Variants in SLC12A7 observed in about 807,000 individuals in gnomAD.
SLC12A7 encodes solute carrier family 12 member 7.
Under a neutral mutation model 120.6 loss-of-function variants are expected in SLC12A7, and 100 were observed. The observed-to-expected ratio is 0.83, with a 90% CI of 0.71 to 0.98. The LOEUF (loss-of-function observed/expected upper bound fraction) is 0.98. Ranked by LOEUF, SLC12A7 falls within the 50% of genes least tolerant of loss-of-function variation. The pLI is 0.00. For missense variants in SLC12A7, 1,373 were observed against 1,548.1 expected (o/e 0.89, Z 1.90); for synonymous variants, 760 against 678.0 (o/e 1.12, Z -1.88).
chr5:1,130,058 C>T, the SLC12A7 span, among the ~76,000 whole-genome samples: 1 of 152,300 alleles, frequency 6.6e-6, no homozygotes, highest in East Asian at 1.9e-4. Context: ...GATATCTCCT[C>T]CACGACTTTA....
the SLC12A7 span, among the ~76,000 whole-genome samples, chr5:1,153,781 A>T: frequency 6.6e-6 from 1 of 152,330 alleles, no homozygotes; most frequent in South Asian, 2.1e-4. Context: ...ATCAAGAGGA[A>T]CGTGCACCCT....
At chr5:1,152,201 G>A in the SLC12A7 span, among the ~76,000 whole-genome samples, 3 of 152,156 alleles carry the variant, frequency 2.0e-5, no homozygotes, top group Non-Finnish European at 4.4e-5. Context: ...GAGGCTGTGC[G>A]ATCGTCTGGT....
At chr5:1,131,411 A>G in the SLC12A7 span, among the ~76,000 whole-genome samples, 1 of 152,196 alleles carries the variant, frequency 6.6e-6, no homozygotes, top group Non-Finnish European at 1.5e-5. Context: ...CAACAGGCAG[A>G]TGGTTCCAGA....
chr5:1,152,312 C>G, the SLC12A7 span, among the ~76,000 whole-genome samples: 1 of 152,234 alleles, frequency 6.6e-6, no homozygotes, highest in Non-Finnish European at 1.5e-5. Flanking sequence ...GCCTGCAAGG[C>G]TGACTCTGCG....
At chr5:1,089,432 C>G (rs1219663266) in intron 3 of SLC12A7, among the ~76,000 whole-genome samples, 1 of 152,138 alleles carries the variant, frequency 6.6e-6, no homozygotes, top group East Asian at 1.9e-4. Context: ...ATGGAAAAAA[C>G]AAGAGGGAGA....
intron 9 of SLC12A7, among the ~76,000 whole-genome samples, chr5:1,080,614 T>G (rs1258913348): frequency 6.6e-6 from 1 of 152,100 alleles, no homozygotes; most frequent in African/African-American, 2.4e-5. Flanking sequence ...GTCAGGGGCG[T>G]CCCGACAAGA....
At chr5:1,060,283 T>G in intron 21 of SLC12A7, 61 bp downstream of exon 21, 1 of 1,263,750 alleles carries the variant, frequency 7.9e-7, no homozygotes, top group Non-Finnish European at 1.2e-6. Context: ...CAGAAAAGAC[T>G]CGGCGAAGTC....
At chr5:1,097,976 C>T (rs1741441094) in intron 1 of SLC12A7, among the ~76,000 whole-genome samples, 1 of 151,990 alleles carries the variant, frequency 6.6e-6, no homozygotes, top group Admixed American at 6.6e-5. Flanking sequence ...CCAGGTCAGA[C>T]CTGAACCAAG....
the SLC12A7 span, among the ~76,000 whole-genome samples, chr5:1,147,250 A>ACCCCCCCCGCCC: frequency 9.2e-6 from 1 of 108,690 alleles, no homozygotes; most frequent in Non-Finnish European, 1.9e-5. Flanking sequence ...CCACCCCGCC[A>ACCCCCCCCGCCC]CCCCCCCCGC....
chr5:1,129,723 C>T, the SLC12A7 span, among the ~76,000 whole-genome samples: 1 of 152,200 alleles, frequency 6.6e-6, no homozygotes, highest in South Asian at 2.1e-4. Context: ...AGGGGTCACC[C>T]TGATGGGATG....
chr5:1,150,752 G>C, the SLC12A7 span, among the ~76,000 whole-genome samples: 1 of 152,220 alleles, frequency 6.6e-6, no homozygotes, highest in Non-Finnish European at 1.5e-5. Context: ...GGATGAACAC[G>C]ACGGCCGAGC....
the SLC12A7 span, among the ~76,000 whole-genome samples, chr5:1,151,459 G>A: frequency 6.6e-5 from 10 of 152,210 alleles, no homozygotes; most frequent in African/African-American, 2.4e-4. This position sits in a 1 kb window ranked among gnomAD's most constrained non-coding sequence, Gnocchi z 6.2. Context: ...AGTGTTCTGG[G>A]CTGCACACAA....
At chr5:1,135,450 A>G in the SLC12A7 span, among the ~76,000 whole-genome samples, 2 of 152,132 alleles carry the variant, frequency 1.3e-5, no homozygotes, top group Admixed American at 6.5e-5. Flanking sequence ...GCTCCAGCCC[A>G]GGTGCAGTCA....
At chr5:1,093,422 T>C (rs2150878425) in intron 3 of SLC12A7, 111 bp downstream of exon 3, 1 of 1,125,506 alleles carries the variant, frequency 8.9e-7, no homozygotes, top group Non-Finnish European at 1.3e-6. Flanking sequence ...GTGGCCATGA[T>C]ACCAGAGCTC....
intron 3 of SLC12A7, 66 bp downstream of exon 3, chr5:1,093,467 G>T: frequency 8.2e-7 from 1 of 1,215,912 alleles, no homozygotes; most frequent in Non-Finnish European, 1.1e-6. Flanking sequence ...TGCCTTGCCG[G>T]CGTGATCTAA....
chr5:1,083,596 C>T (rs1739462317), intron 8 of SLC12A7, 149 bp downstream of exon 8: 2 of 784,194 alleles, frequency 2.6e-6, no homozygotes, highest in Non-Finnish European at 4.1e-6. Flanking sequence ...CAGGGACCCC[C>T]AGGCTCATCA....
intron 1 of SLC12A7, among the ~76,000 whole-genome samples, chr5:1,111,411 G>A (rs1192695519): frequency 2.6e-5 from 4 of 152,164 alleles, no homozygotes; most frequent in Non-Finnish European, 4.4e-5. Flanking sequence ...GGTCAGGCGG[G>A]GGCAGGACGG....
chr5:1,124,334 C>T, the SLC12A7 span, among the ~76,000 whole-genome samples: 5 of 152,212 alleles, frequency 3.3e-5, no homozygotes, highest in African/African-American at 1.2e-4. Flanking sequence ...AGATTTGCAG[C>T]TCCAGCGCCT....
At chr5:1,130,642 C>A in the SLC12A7 span, among the ~76,000 whole-genome samples, 1 of 151,522 alleles carries the variant, frequency 6.6e-6, no homozygotes, top group Non-Finnish European at 1.5e-5. Flanking sequence ...GGAGGGAGGG[C>A]GTGCTGCATT....
Sources: gnomAD v4.1 joint callset for allele counts (sites outside exome capture counted in the v4.1 genomes callset) on GRCh38, gnomAD v4.1.1 for gene constraint, Gnocchi (gnomAD v3.1) non-coding constraint, MANE v1.5 for transcripts, NCBI Gene and HGNC (gene_info 2026-07-23, HGNC 2026-07-21) for gene names.